C18orf63: variants seen among roughly 807,000 people sequenced by gnomAD.
The protein encoded by C18orf63 is uncharacterized protein C18orf63.
A neutral mutation model predicts 75.3 loss-of-function variants in C18orf63; 50 were observed. The ratio of observed to expected loss-of-function variants is 0.66; its 90% CI spans 0.53 to 0.84. C18orf63 has a LOEUF of 0.84. C18orf63 is among the 40% of genes least tolerant of loss of function. The pLI, the probability that C18orf63 is intolerant of heterozygous loss-of-function variation, is 0.00. For missense variants in C18orf63, 732 were observed against 800.2 expected (o/e 0.91, Z 1.03); for synonymous variants, 232 against 267.6 (o/e 0.87, Z 1.30).
chr18:74,327,873 TC>T (rs1332290893), intron 4 of C18orf63, 73 bp from the exon 5 acceptor site: 9 of 867,538 alleles, frequency 1.0e-5, no homozygotes, highest in Non-Finnish European at 1.6e-5. Flanking sequence ...AAATGGGCAG[TC>T]ATTTCCTATT....
intron 10 of C18orf63, among the ~76,000 whole-genome samples, chr18:74,342,575 G>GA (rs555051934): frequency 1.2e-3 from 184 of 152,106 alleles, no homozygotes; most frequent in African/African-American, 4.2e-3. Context: ...AGAAAAGTTA[G>GA]AAAAAAATGT....
chr18:74,336,520 T>C (rs1484955907), intron 7 of C18orf63, among the ~76,000 whole-genome samples: 6 of 152,114 alleles, frequency 3.9e-5, no homozygotes. Context: ...CTGGAATTCA[T>C]TTATCTTCAT....
At chr18:74,328,129 T>C in intron 5 of C18orf63, 71 bp downstream of exon 5, 1 of 886,574 alleles carries the variant, frequency 1.1e-6, no homozygotes, top group Middle Eastern at 2.2e-4. Flanking sequence ...ATTAGTCTAT[T>C]CTCATGCTGC....
At chr18:74,316,407 G>A (rs1984024874) in intron 1 of C18orf63, among the ~76,000 whole-genome samples, 1 of 152,150 alleles carries the variant, frequency 6.6e-6, no homozygotes, top group Admixed American at 6.5e-5. Flanking sequence ...GTGGGCGCTC[G>A]CCTGGGGGCA....
chr18:74,343,768 T>G, intron 11 of C18orf63, 66 bp downstream of exon 11: 1 of 1,111,924 alleles, frequency 9.0e-7, no homozygotes, highest in Non-Finnish European at 1.2e-6. Context: ...CTTGAATCTC[T>G]TGTCTTCTGG....
chr18:74,317,902 A>G lies in C18orf63; in HGVS notation c.37A>G (p.Thr13Ala). 1 of 1,534,770 alleles carries G rather than the reference A, an allele frequency of 6.5e-7. No individual in the cohort carries two copies. The highest frequency in any genetic ancestry group is 8.7e-7 in the Non-Finnish European group (1 of 1,146,078). ...DSRQQSLFFI[T>A]LPDLNKLCAV... is the part of the protein sequence containing the mutation. Reference sequence around the variant, plus strand: ...TAGGCAGCAGTCTCTGTTCTTCATCACACTTCCAGATTTAAACAAACTCTG... The same window carrying G: ...TAGGCAGCAGTCTCTGTTCTTCATCGCACTTCCAGATTTAAACAAACTCTG... Residue 13 changes from threonine (T) to alanine (A), a missense_variant, in exon 2 of 14, where the codon ACA becomes GCA. Around this residue, in one of 3 missense-constraint regions of C18orf63, gnomAD observed 233 missense variants for 272.7 expected, o/e 0.85. Transcript: ENST00000579455.
At chr18:74,351,837 C>G (rs1984672135) in intron 11 of C18orf63, among the ~76,000 whole-genome samples, 1 of 152,136 alleles carries the variant, frequency 6.6e-6, no homozygotes, top group South Asian at 2.1e-4. Context: ...ACCAGTCATT[C>G]AAGTTTGCAT....
chr18:74,354,849 T>A (rs1984736404), intron 13 of C18orf63, among the ~76,000 whole-genome samples: 1 of 152,172 alleles, frequency 6.6e-6, no homozygotes, highest in Non-Finnish European at 1.5e-5. Context: ...GCAGACTATC[T>A]AAAAATAGAA....
chr18:74,324,814 T>C (rs1984181872), intron 4 of C18orf63, among the ~76,000 whole-genome samples: 1 of 152,190 alleles, frequency 6.6e-6, no homozygotes, highest in African/African-American at 2.4e-5. Flanking sequence ...CTTATCCTTT[T>C]TCCATGTGTC....
Position 74,353,553 on chromosome 18 carries a change from G to A in C18orf63, c.1286G>A (p.Ser429Asn). Residue 429 changes from serine to asparagine, a missense_variant, in exon 12 of 14, where the codon AGC becomes AAC. Ser to Asn is a conservative substitution (Grantham distance 46). Transcript: ENST00000579455. ...CAGCACACAAATCTTAGCTCCCAAA[G>A]CAACATCACCCCTAAGTTTGTACCA... ...QVQHTNLSSQ[S>N]NITPKFVPVF... is the part of the protein sequence containing the mutation. 6.5e-7 allele frequency: 1 copy of A among 1,536,506 alleles called. No individual in the cohort carries two copies. Among genetic ancestry groups the A allele is most frequent in the African/African-American group, 1.4e-5 (1 of 73,144 alleles).
intron 8 of C18orf63, among the ~76,000 whole-genome samples, chr18:74,339,108 A>G (rs1984437963): frequency 6.6e-6 from 1 of 152,040 alleles, no homozygotes; most frequent in Non-Finnish European, 1.5e-5. Flanking sequence ...AAAACTATCA[A>G]AATAATATTA....
rs1984524974 is a variant in C18orf63 at position 74,343,647 on chromosome 18, A to G, written c.923A>G (p.Lys308Arg). The G allele has an allele frequency of 6.5e-7, 1 of 1,534,608 alleles. No homozygotes were observed. Among genetic ancestry groups the G allele is most frequent in the Admixed American group, 2.0e-5 (1 of 50,882 alleles). ...KLPHICGFPI[K>R]MTSKPCYYTQ... ...CCCCATATATGTGGATTTCCCATAA[A>G]GATGACAAGTAAACCATGCTACTAC... Residue 308 changes from lysine (K) to arginine (R), a missense_variant, in exon 11 of 14, where the codon AAG (lysine) becomes AGG (arginine). Lys to Arg is a conservative substitution (Grantham distance 26). Transcript: ENST00000579455.
intron 11 of C18orf63, among the ~76,000 whole-genome samples, chr18:74,347,338 A>G (rs1198206422): frequency 2.0e-5 from 3 of 152,220 alleles, no homozygotes; most frequent in Non-Finnish European, 2.9e-5. Flanking sequence ...AGCAGACACC[A>G]GATGGCCTTG....
chr18:74,351,220 G>A (rs1463164797), intron 11 of C18orf63, among the ~76,000 whole-genome samples: 1 of 152,186 alleles, frequency 6.6e-6, no homozygotes, highest in Non-Finnish European at 1.5e-5. Context: ...AACATGGAAG[G>A]AGGAGTATTG....
At chr18:74,327,136 A>C (rs1276457746) in intron 4 of C18orf63, among the ~76,000 whole-genome samples, 1 of 152,144 alleles carries the variant, frequency 6.6e-6, no homozygotes, top group Non-Finnish European at 1.5e-5. Context: ...TTTTAGGATT[A>C]AACAAGTTTT....
At chr18:74,339,896 C>A (rs1369813343) in intron 8 of C18orf63, among the ~76,000 whole-genome samples, 2 of 152,088 alleles carry the variant, frequency 1.3e-5, no homozygotes, top group Admixed American at 6.5e-5. Flanking sequence ...GTAACAGCTA[C>A]CAAAAACATA....
chr18:74,323,251 T>C (rs2193655), intron 4 of C18orf63, among the ~76,000 whole-genome samples: 19 of 152,222 alleles, frequency 1.2e-4, no homozygotes, highest in Non-Finnish European at 2.5e-4. Context: ...CATGTAACTC[T>C]GAGACACTGT....
intron 2 of C18orf63, among the ~76,000 whole-genome samples, chr18:74,318,638 A>G (rs1012523339): frequency 3.3e-5 from 5 of 152,212 alleles, no homozygotes; most frequent in African/African-American, 4.8e-5. Flanking sequence ...AAAATAAAAC[A>G]AATTAGCTGG....
chr18:74,339,344 C>G (rs990590983), intron 8 of C18orf63, among the ~76,000 whole-genome samples: 1 of 152,078 alleles, frequency 6.6e-6, no homozygotes, highest in African/African-American at 2.4e-5. Context: ...GTTTGACTCT[C>G]TTTACAGACT....
Sources: allele counts gnomAD v4.1 joint callset (sites outside exome capture counted in the v4.1 genomes callset), GRCh38; gene constraint gnomAD v4.1.1; regional missense constraint gnomAD v4.1.1; transcripts MANE v1.5; gene names NCBI Gene and HGNC (gene_info 2026-07-23, HGNC 2026-07-21).